The following SEMA3A variants were observed in gnomAD, a reference collection of about 807,000 sequenced individuals.
The protein encoded by SEMA3A is semaphorin 3A.
Under a neutral mutation model 97.9 loss-of-function variants are expected in SEMA3A, and 29 were observed. That is an observed-to-expected ratio of 0.30 (90% CI 0.22 to 0.40). The LOEUF (loss-of-function observed/expected upper bound fraction) is 0.40, where lower values mean the gene tolerates loss of function less well. Ranked by LOEUF, SEMA3A falls within the 10% of genes least tolerant of loss-of-function variation. The probability of loss-of-function intolerance (pLI) is 1.00; values close to 1 mark genes in which losing one functional copy is unlikely to be tolerated. For missense variants in SEMA3A, 763 were observed against 951.3 expected (o/e 0.80, Z 2.60); for synonymous variants, 321 against 323.7 (o/e 0.99, Z 0.09).
At chr7:84,033,591 A>G (rs1791834938) in intron 6 of SEMA3A, among the ~76,000 whole-genome samples, 1 of 152,206 alleles carries the variant, frequency 6.6e-6, no homozygotes, top group African/African-American at 2.4e-5. Flanking sequence ...AAATAATAAC[A>G]CATCTGCCCT....
intron 4 of SEMA3A, among the ~76,000 whole-genome samples, chr7:84,066,224 T>G (rs1162108423): frequency 6.6e-6 from 1 of 151,934 alleles, no homozygotes; most frequent in Non-Finnish European, 1.5e-5. Context: ...TCAACAACAC[T>G]TCATGCTAAA....
At chr7:84,370,258 T>C (rs1467542929) in intron 2 of SEMA3A, among the ~76,000 whole-genome samples, 1 of 151,624 alleles carries the variant, frequency 6.6e-6, no homozygotes, top group African/African-American at 2.4e-5. Flanking sequence ...TTATAGGGAT[T>C]TAATGTGATA....
intron 1 of SEMA3A, among the ~76,000 whole-genome samples, chr7:84,143,920 ATCTC>A (rs142920312): frequency 0.012 from 1,545 of 128,658 alleles, 24 homozygotes; most frequent in Middle Eastern, 0.083. Flanking sequence ...TACTGTCCTA[ATCTC>A]TCTCTCTCTC....
intron 2 of SEMA3A, among the ~76,000 whole-genome samples, chr7:84,131,608 A>G (rs962320382): frequency 6.6e-6 from 1 of 152,250 alleles, no homozygotes. Flanking sequence ...TTACTATTTT[A>G]TCTTTACTGT....
chr7:84,384,240 A>G (rs1435981924), intron 1 of SEMA3A, among the ~76,000 whole-genome samples: 3 of 152,136 alleles, frequency 2.0e-5, no homozygotes, highest in Admixed American at 2.0e-4. Context: ...GATTTTGTTA[A>G]ATGTGTTACA....
chr7:84,458,884 A>G (rs1023686099), intron 1 of SEMA3A, among the ~76,000 whole-genome samples: 1 of 152,074 alleles, frequency 6.6e-6, no homozygotes, highest in Non-Finnish European at 1.5e-5. Flanking sequence ...CTACTTTACT[A>G]TTGAATACTA....
chr7:84,009,836 A>G (rs1398439553), intron 9 of SEMA3A, among the ~76,000 whole-genome samples: 1 of 148,996 alleles, frequency 6.7e-6, no homozygotes, highest in Non-Finnish European at 1.5e-5. Context: ...GAGCCCGTGG[A>G]GAAAGAGCAG....
intron 2 of SEMA3A, among the ~76,000 whole-genome samples, chr7:84,368,070 T>C (rs932232657): frequency 6.6e-6 from 1 of 151,248 alleles, no homozygotes; most frequent in Non-Finnish European, 1.5e-5. Context: ...AATGTAATGT[T>C]ATAGGTGCTA....
intron 3 of SEMA3A, among the ~76,000 whole-genome samples, chr7:84,250,905 T>C (rs1799591922): frequency 6.6e-6 from 1 of 152,204 alleles, no homozygotes; most frequent in Non-Finnish European, 1.5e-5. Flanking sequence ...TACCAGTTTC[T>C]TGCTTTTGTT....
At chr7:84,154,549 G>A (rs796261693) in intron 1 of SEMA3A, among the ~76,000 whole-genome samples, 25 of 151,812 alleles carry the variant, frequency 1.6e-4, no homozygotes, top group African/African-American at 5.8e-4. Context: ...GGTGGTGGGC[G>A]CCTGTAATCC....
chr7:84,395,160 A>G (rs1386018610), intron 1 of SEMA3A, among the ~76,000 whole-genome samples: 1 of 152,116 alleles, frequency 6.6e-6, no homozygotes, highest in Non-Finnish European at 1.5e-5. Context: ...ATGAGGAGGA[A>G]AAAATTATCC....
intron 3 of SEMA3A, among the ~76,000 whole-genome samples, chr7:84,123,635 T>C (rs1429105058): frequency 6.7e-6 from 1 of 149,502 alleles, no homozygotes; most frequent in African/African-American, 2.4e-5. Context: ...ACACTCTATA[T>C]AGAAAAAATA....
chr7:84,240,691 T>C (rs1025601277), intron 3 of SEMA3A, among the ~76,000 whole-genome samples: 4 of 152,100 alleles, frequency 2.6e-5, no homozygotes, highest in African/African-American at 7.2e-5. Flanking sequence ...TGTGCCATGG[T>C]GGTTTGCTGC....
intron 4 of SEMA3A, among the ~76,000 whole-genome samples, chr7:84,095,942 A>G (rs999911225): frequency 6.6e-6 from 1 of 152,096 alleles, no homozygotes; most frequent in Non-Finnish European, 1.5e-5. Flanking sequence ...TTTATAAAAG[A>G]TATCATAAAC....
chr7:84,324,709 T>C (rs1801731372), intron 2 of SEMA3A, among the ~76,000 whole-genome samples: 1 of 152,160 alleles, frequency 6.6e-6, no homozygotes, highest in African/African-American at 2.4e-5. Flanking sequence ...ATGAAGCACA[T>C]GGTCTTAAAA....
chr7:84,479,173 G>T (rs1381333217), intron 1 of SEMA3A, among the ~76,000 whole-genome samples: 1 of 152,122 alleles, frequency 6.6e-6, no homozygotes, highest in Non-Finnish European at 1.5e-5. Flanking sequence ...ATCAAGTAGG[G>T]TCTGCTTTGG....
chr7:84,334,887 C>A (rs947038639), intron 2 of SEMA3A, among the ~76,000 whole-genome samples: 1 of 150,996 alleles, frequency 6.6e-6, no homozygotes, highest in Non-Finnish European at 1.5e-5. Context: ...CTAAGTCCCA[C>A]GCCTCATTTT....
At chr7:84,001,697 A>T (rs535341298) in intron 12 of SEMA3A, among the ~76,000 whole-genome samples, 1 of 152,190 alleles carries the variant, frequency 6.6e-6, no homozygotes, top group Admixed American at 6.5e-5. Flanking sequence ...ATAAAATGTA[A>T]TATAAAATGT....
At chr7:84,409,233 T>C (rs1022543468) in intron 1 of SEMA3A, among the ~76,000 whole-genome samples, 1 of 151,686 alleles carries the variant, frequency 6.6e-6, no homozygotes, top group Non-Finnish European at 1.5e-5. Context: ...TTTGAGGTGA[T>C]GGATATTTTA....
Sources: gnomAD v4.1 joint callset for allele counts (sites outside exome capture counted in the v4.1 genomes callset) on GRCh38, gnomAD v4.1.1 for gene constraint, MANE v1.5 for transcripts, NCBI Gene and HGNC (gene_info 2026-07-23, HGNC 2026-07-21) for gene names.